DPP6: variants seen among roughly 807,000 people sequenced by gnomAD.
The protein encoded by DPP6 is A-type potassium channel modulatory protein DPP6.
In DPP6, 69 loss-of-function variants were observed where a neutral mutation model predicts 122.6. That is an observed-to-expected ratio of 0.56 (90% CI 0.46 to 0.69). The LOEUF (loss-of-function observed/expected upper bound fraction) is 0.69. Ranked by LOEUF, DPP6 falls within the 30% of genes least tolerant of loss-of-function variation. The pLI is 0.00. For missense variants in DPP6, 928 were observed against 1,116.9 expected (o/e 0.83, Z 2.41); for synonymous variants, 418 against 433.1 (o/e 0.97, Z 0.43).
At chr7:154,398,984 C>T (rs572281006) in intron 1 of DPP6, among the ~76,000 whole-genome samples, 7 of 152,284 alleles carry the variant, frequency 4.6e-5, no homozygotes, top group East Asian at 1.9e-4. Context: ...TTTCCAATGA[C>T]GCCTTTATGT....
Position 154,282,071 on chromosome 7 carries a change from TGA to T in DPP6, c.244-164137_244-164136del, listed in dbSNP as rs573458676. On this transcript the variant is annotated intron_variant, in intron 1 of 25. Coordinates refer to ENST00000377770, the MANE Select transcript of DPP6 (RefSeq NM_130797.4). This position sits in a 1 kb window ranked among gnomAD's most constrained non-coding sequence, Gnocchi z 4.8. ...GTCCAATGGGGAGATTGACCTCACC[TGA>T]GAGAGTGTCCTGAGAACCAAGTGTA... Among the ~76,000 whole-genome samples, 286 of 152,274 alleles carry T rather than the reference TGA, an allele frequency of 1.9e-3. 1 individual carries two copies. Among genetic ancestry groups the T allele is most frequent in the African/African-American group, 6.3e-3 (262 of 41,558 alleles).
chr7:154,135,029 C>T (rs1795475146), intron 1 of DPP6, among the ~76,000 whole-genome samples: 1 of 151,610 alleles, frequency 6.6e-6, no homozygotes, highest in African/African-American at 2.4e-5. Context: ...TGAGCCCATA[C>T]TTCCTCTGTG....
chr7:154,817,764 A>G (rs1799511937), intron 16 of DPP6, among the ~76,000 whole-genome samples: 1 of 9,308 alleles, frequency 1.1e-4, no homozygotes, highest in South Asian at 2.9e-3. Flanking sequence ...GAATGTCCTC[A>G]GTGATTGATG....
intron 1 of DPP6, among the ~76,000 whole-genome samples, chr7:153,930,440 C>CTATTGTATTG (rs370594648): frequency 6.6e-6 from 1 of 152,030 alleles, no homozygotes; most frequent in Non-Finnish European, 1.5e-5. Flanking sequence ...GATATGGCTC[C>CTATTGTATTG]TATTGTATTG....
chr7:154,285,906 A>G (rs1804819057), intron 1 of DPP6, among the ~76,000 whole-genome samples: 1 of 152,202 alleles, frequency 6.6e-6, no homozygotes, highest in Non-Finnish European at 1.5e-5. Flanking sequence ...CATTCTGACA[A>G]CTTGACTGGT....
chr7:154,729,357 GCTT>G (rs781008937), intron 8 of DPP6, among the ~76,000 whole-genome samples: 1 of 152,082 alleles, frequency 6.6e-6, no homozygotes. Flanking sequence ...CATTTTAGTG[GCTT>G]TATGCATCAT....
chr7:154,164,798 A>G (rs1797158958), intron 1 of DPP6, among the ~76,000 whole-genome samples: 1 of 152,086 alleles, frequency 6.6e-6, no homozygotes, highest in South Asian at 2.1e-4. Context: ...TCTAAACTCC[A>G]TTCCTTTTTA....
chr7:153,786,805 T>C, the DPP6 span, among the ~76,000 whole-genome samples: 5 of 136,612 alleles, frequency 3.7e-5, no homozygotes, highest in African/African-American at 5.3e-5. Context: ...CAAATCATTC[T>C]TTTTATATGT....
chr7:154,444,829 G>A (rs1421544378), intron 1 of DPP6, among the ~76,000 whole-genome samples: 1 of 152,230 alleles, frequency 6.6e-6, no homozygotes, highest in Non-Finnish European at 1.5e-5. Flanking sequence ...TACCTAATAG[G>A]AAATGAGATT....
At chr7:154,713,668 G>C (rs1188934093) in intron 7 of DPP6, among the ~76,000 whole-genome samples, 1 of 152,188 alleles carries the variant, frequency 6.6e-6, no homozygotes, top group Non-Finnish European at 1.5e-5. Flanking sequence ...AGGGCACCAA[G>C]TCCCAAGTCT....
intron 1 of DPP6, among the ~76,000 whole-genome samples, chr7:154,246,232 A>G (rs1186837122): frequency 6.6e-6 from 1 of 152,002 alleles, no homozygotes; most frequent in African/African-American, 2.4e-5. Context: ...GGCTTTCTGG[A>G]TACAGCTAAA....
intron 1 of DPP6, among the ~76,000 whole-genome samples, chr7:154,272,221 A>T (rs1803844133): frequency 6.6e-6 from 1 of 152,178 alleles, no homozygotes; most frequent in African/African-American, 2.4e-5. Context: ...TGCTCCATCC[A>T]TTTTTAACAG....
chr7:153,942,082 C>G (rs1168590265), intron 1 of DPP6, among the ~76,000 whole-genome samples: 2 of 152,222 alleles, frequency 1.3e-5, no homozygotes, highest in Admixed American at 1.3e-4. Context: ...GGAATGGTGC[C>G]TGAGGAATTG....
chr7:154,349,365 G>A (rs1810661301), intron 1 of DPP6, among the ~76,000 whole-genome samples: 1 of 152,082 alleles, frequency 6.6e-6, no homozygotes, highest in Admixed American at 6.6e-5. Flanking sequence ...TAGTAGAGAT[G>A]GGGTTTCACC....
chr7:154,881,411 G>A (rs1805378086), intron 21 of DPP6, among the ~76,000 whole-genome samples: 1 of 152,176 alleles, frequency 6.6e-6, no homozygotes, highest in African/African-American at 2.4e-5. Context: ...TTGTCAGAAG[G>A]CTGTAGCCTG....
rs1238500584 is a variant in DPP6 at position 154,060,268 on chromosome 7, G to A, written c.243+7205G>A. 7.9e-5 allele frequency among the ~76,000 whole-genome samples: 10 copies of A among 126,770 alleles called. 2 individuals are homozygous for A. The highest frequency in any genetic ancestry group is 4.5e-4 in the East Asian group (2 of 4,432). 83.2% of individuals were successfully genotyped at this position (126,770 alleles called of 152,430 possible). On this transcript the variant is annotated intron_variant, in intron 1 of 25. Transcript: ENST00000377770. ...CGCTGGGGGCGGAGGCACCCCCCGC[G>A]AGGCAGGGACTGAGAGGCAATCCCT...
chr7:153,933,378 G>A (rs575677441), intron 1 of DPP6, among the ~76,000 whole-genome samples: 3 of 152,252 alleles, frequency 2.0e-5, no homozygotes, highest in African/African-American at 7.2e-5. Context: ...AGGGAAGGAC[G>A]CTCCCCTTTT....
chr7:154,014,714 C>G (rs1338599643), intron 1 of DPP6, among the ~76,000 whole-genome samples: 1 of 152,044 alleles, frequency 6.6e-6, no homozygotes, highest in Non-Finnish European at 1.5e-5. Context: ...AGCTACTCTG[C>G]TTGTATTTTT....
At chr7:153,763,216 C>G in the DPP6 span, among the ~76,000 whole-genome samples, 1 of 152,000 alleles carries the variant, frequency 6.6e-6, no homozygotes, top group Admixed American at 6.5e-5. Flanking sequence ...TGTACCATTA[C>G]GTAAAAGTGA....
Sources: allele counts gnomAD v4.1 joint callset (sites outside exome capture counted in the v4.1 genomes callset), GRCh38; gene constraint gnomAD v4.1.1; non-coding constraint Gnocchi (gnomAD v3.1); transcripts MANE v1.5; gene names NCBI Gene and HGNC (gene_info 2026-07-23, HGNC 2026-07-21).